The following ADAM17 variants were observed in gnomAD, a reference collection of about 807,000 sequenced individuals.
ADAM17 encodes disintegrin and metalloproteinase domain-containing protein 17.
ADAM17 carries 39 observed loss-of-function variants against 96.7 expected under a neutral mutation model. The ratio of observed to expected loss-of-function variants is 0.40; its 90% CI spans 0.31 to 0.53. ADAM17 has a LOEUF of 0.53. Ranked by LOEUF, ADAM17 falls within the 20% of genes least tolerant of loss-of-function variation. ADAM17 has a pLI of 0.44. For missense variants in ADAM17, 777 were observed against 1,013.2 expected (o/e 0.77, Z 3.17); for synonymous variants, 344 against 359.2 (o/e 0.96, Z 0.48).
At chr2:9,508,966 G>A (rs1244447042) in intron 11 of ADAM17, among the ~76,000 whole-genome samples, 1 of 147,978 alleles carries the variant, frequency 6.8e-6, no homozygotes, top group East Asian at 1.9e-4. Flanking sequence ...AAGAAAATGA[G>A]ATGCAGAAAA....
intron 1 of ADAM17, among the ~76,000 whole-genome samples, chr2:9,545,950 T>C (rs1665390052): frequency 6.6e-6 from 1 of 151,742 alleles, no homozygotes; most frequent in African/African-American, 2.4e-5. Context: ...AAAATAAAAT[T>C]AGCCAGGCAT....
chr2:9,522,575 T>A, intron 7 of ADAM17: 1 of 458,172 alleles, frequency 2.2e-6, no homozygotes. Context: ...ACCTCTAAAT[T>A]CTATACTATA....
chr2:9,513,863 T>A (rs556356489), intron 10 of ADAM17, among the ~76,000 whole-genome samples: 1 of 151,850 alleles, frequency 6.6e-6, no homozygotes, highest in Non-Finnish European at 1.5e-5. Flanking sequence ...AATACAAAAT[T>A]AGCTGGTCGT....
At chr2:9,497,030 C>T in intron 14 of ADAM17, 84 bp downstream of exon 14, 1 of 1,556,902 alleles carries the variant, frequency 6.4e-7, no homozygotes, top group Non-Finnish European at 8.7e-7. Flanking sequence ...CTGTCATTCG[C>T]ACAACCTCCA....
At chr2:9,508,428 T>G (rs1439571199) in intron 11 of ADAM17, among the ~76,000 whole-genome samples, 1 of 152,198 alleles carries the variant, frequency 6.6e-6, no homozygotes, top group Non-Finnish European at 1.5e-5. Flanking sequence ...ACAACTTTAT[T>G]AAGACATATT....
At chr2:9,538,495 C>G (rs553074321) in intron 2 of ADAM17, among the ~76,000 whole-genome samples, 29 of 152,284 alleles carry the variant, frequency 1.9e-4, no homozygotes, top group African/African-American at 6.7e-4. Flanking sequence ...AACATATCTT[C>G]CCACACATTC....
intron 2 of ADAM17, among the ~76,000 whole-genome samples, chr2:9,538,179 TTA>T (rs1396398143): frequency 1.2e-4 from 18 of 152,208 alleles, no homozygotes; most frequent in Admixed American, 1.1e-3. Context: ...CAAGTATTAT[TTA>T]TAGTCTTTCA....
In ADAM17 at chr2:9,493,727, A is replaced by G; in HGVS notation, c.1993+20T>C. On this transcript the variant is annotated intron_variant, in intron 16 of 18. Coordinates refer to ENST00000310823, the MANE Select transcript of ADAM17 (RefSeq NM_003183.6). ...GAAATTGACTCAGCTCTCAGTAAGT[A>G]ATCTGGGGAAATCACCTACCAAAAG... The G allele has an allele frequency of 6.2e-7, 1 of 1,604,802 alleles. No individual in the cohort carries two copies. Among genetic ancestry groups the G allele is most frequent in the Non-Finnish European group, 8.5e-7 (1 of 1,171,860 alleles).
chr2:9,490,506 G>T lies in ADAM17; in HGVS notation c.2146C>A (p.Leu716Met). ...ACCGATGCAGAATCCATGCTGCTCA[G>T]CATTTCGACGTTCTGCAAAGACATG... is the stretch of plus-strand genomic sequence containing the variant. ...SLFHPSNVEM[L>M]SSMDSASVRI... The change falls in exon 19 of 19, where the codon CTG (leucine) becomes ATG (methionine). Residue 716 changes from leucine (L) to methionine (M), a missense_variant. By Grantham distance (15) the Leu-to-Met change is conservative. Coordinates refer to ENST00000310823, the MANE Select transcript of ADAM17 (RefSeq NM_003183.6). 1 of 1,611,210 alleles carries T rather than the reference G, an allele frequency of 6.2e-7. No homozygotes were observed. Among genetic ancestry groups the T allele is most frequent in the Non-Finnish European group, 8.5e-7 (1 of 1,177,758 alleles).
chr2:9,516,772 T>A (rs1211668840), intron 10 of ADAM17, among the ~76,000 whole-genome samples: 4 of 151,924 alleles, frequency 2.6e-5, no homozygotes, highest in African/African-American at 9.7e-5. Context: ...AAAAATTAAA[T>A]AAAAATTAAA....
Position 9,514,561 on chromosome 2 carries a change from AT to A in ADAM17, c.1191+3339del, listed in dbSNP as rs1419500279. Among the ~76,000 whole-genome samples the A allele has an allele frequency of 5.6e-4, 55 of 98,830 alleles. 1 individual carries two copies. The highest frequency in any genetic ancestry group is 1.8e-3 in the Admixed American group (17 of 9,294). 64.8% of individuals were successfully genotyped at this position (98,830 alleles called of 152,430 possible). A position where few individuals can be genotyped will look rare whatever the true frequency, so the allele number is the denominator to read the frequency against. ...TATATATATATATATATATATATAT[AT>A]ATATATAAATAAAAAGAGACAGGGT... On this transcript the variant is annotated intron_variant, in intron 10 of 18. Coordinates refer to ENST00000310823, the MANE Select transcript of ADAM17 (RefSeq NM_003183.6).
chr2:9,541,216 G>A (rs1665193059), intron 2 of ADAM17, among the ~76,000 whole-genome samples: 1 of 152,136 alleles, frequency 6.6e-6, no homozygotes, highest in South Asian at 2.1e-4. Flanking sequence ...AGGTAAATAT[G>A]CTATCTATAT....
At chr2:9,494,796 G>C in intron 14 of ADAM17, 29 bp from the exon 15 acceptor site, 4 of 1,611,934 alleles carry the variant, frequency 2.5e-6, no homozygotes. Flanking sequence ...ATTGACAGCT[G>C]GATTGTTCTG....
intron 1 of ADAM17, among the ~76,000 whole-genome samples, chr2:9,555,144 A>G (rs1479860783): frequency 1.3e-5 from 2 of 152,000 alleles, no homozygotes; most frequent in African/African-American, 4.8e-5. Context: ...ACAACACTAG[A>G]TTTGTTCCCT....
At chr2:9,546,542 G>T (rs1395026668) in intron 1 of ADAM17, among the ~76,000 whole-genome samples, 1 of 151,914 alleles carries the variant, frequency 6.6e-6, no homozygotes, top group Non-Finnish European at 1.5e-5. Flanking sequence ...TTTTTTACAG[G>T]CTTTACAACA....
chr2:9,530,593 A>G (rs559447898), intron 4 of ADAM17, among the ~76,000 whole-genome samples: 18 of 152,308 alleles, frequency 1.2e-4, no homozygotes, highest in African/African-American at 3.6e-4. Flanking sequence ...AAGGCAGAAA[A>G]CTGGATTGGA....
chr2:9,491,077 G>A (rs1261881358), intron 18 of ADAM17, 24 bp downstream of exon 18: 2 of 1,605,526 alleles, frequency 1.2e-6, no homozygotes, highest in Non-Finnish European at 1.7e-6. Context: ...CGAAGATTAT[G>A]TTTCTTTCAT....
chr2:9,522,535 C>T (rs1328347777), intron 7 of ADAM17: 6 of 494,794 alleles, frequency 1.2e-5, no homozygotes, highest in African/African-American at 7.7e-5. Context: ...CATTTATAAA[C>T]ATGGTGAATG....
intron 2 of ADAM17, 75 bp downstream of exon 2, chr2:9,543,078 A>G: frequency 1.4e-6 from 2 of 1,418,300 alleles, no homozygotes; most frequent in Non-Finnish European, 1.9e-6. Flanking sequence ...ATTTCAGTAG[A>G]TACCCTTACT....
Sources: gnomAD v4.1 joint callset for allele counts (sites outside exome capture counted in the v4.1 genomes callset) on GRCh38, gnomAD v4.1.1 for gene constraint, MANE v1.5 for transcripts, NCBI Gene and HGNC (gene_info 2026-07-23, HGNC 2026-07-21) for gene names.